Variants in TCF7L2 observed in about 807,000 individuals in gnomAD.
The protein encoded by TCF7L2 is transcription factor 7-like 2.
Under a neutral mutation model 77.9 loss-of-function variants are expected in TCF7L2, and 23 were observed. That is an observed-to-expected ratio of 0.30 (90% confidence interval 0.21 to 0.42). TCF7L2 has a LOEUF of 0.42. Among genes scored for constraint, TCF7L2 ranks in the 10% least tolerant of loss-of-function variants. The pLI is 1.00. For synonymous variants in TCF7L2, 413 were observed against 340.2 expected (o/e 1.21, Z -2.36); for missense variants, 654 against 793.1 (o/e 0.82, Z 2.11).
At chr10:113,060,398 A>C (rs2056235429) in intron 5 of TCF7L2, among the ~76,000 whole-genome samples, 1 of 152,176 alleles carries the variant, frequency 6.6e-6, no homozygotes, top group South Asian at 2.1e-4. Flanking sequence ...GTTGTTACAA[A>C]AGCAGTGACT....
intron 5 of TCF7L2, among the ~76,000 whole-genome samples, chr10:113,121,474 T>G (rs957333378): frequency 6.6e-6 from 1 of 152,226 alleles, no homozygotes; most frequent in African/African-American, 2.4e-5. Context: ...TGAAAGTTTT[T>G]TTACTGTGCT....
chr10:113,078,796 C>T (rs767213873), intron 5 of TCF7L2, among the ~76,000 whole-genome samples: 4 of 151,662 alleles, frequency 2.6e-5, no homozygotes, highest in African/African-American at 7.3e-5. Flanking sequence ...TCCTGGAAGC[C>T]GCAGGGATCA....
At chr10:113,072,924 G>A (rs2058208386) in intron 5 of TCF7L2, among the ~76,000 whole-genome samples, 1 of 152,106 alleles carries the variant, frequency 6.6e-6, no homozygotes, top group Admixed American at 6.5e-5. Context: ...TGCTGTCCAG[G>A]TAAAAATGTG....
intron 5 of TCF7L2, among the ~76,000 whole-genome samples, chr10:113,123,480 A>G (rs929028028): frequency 3.3e-5 from 5 of 152,234 alleles, no homozygotes; most frequent in Non-Finnish European, 7.3e-5. Context: ...GTCTAGATAA[A>G]CAGGTGATGG....
intron 5 of TCF7L2, among the ~76,000 whole-genome samples, chr10:113,135,290 C>G (rs550234098): frequency 9.8e-5 from 15 of 152,324 alleles, no homozygotes; most frequent in African/African-American, 1.9e-4. Context: ...GGCGCCTCCC[C>G]CTCCCCATTC....
At chr10:113,159,867 C>CCCTT (rs2072831130) in intron 12 of TCF7L2, 53 bp from the exon 14 acceptor site, 5 of 579,566 alleles carry the variant, frequency 8.6e-6, no homozygotes, top group African/African-American at 2.4e-5. Context: ...CTCTCTCTCT[C>CCCTT]CCTTTCTCCC....
chr10:113,070,839 TGTA>T (rs1308891903), intron 5 of TCF7L2, among the ~76,000 whole-genome samples: 38 of 152,184 alleles, frequency 2.5e-4, no homozygotes, highest in Admixed American at 2.5e-3. Flanking sequence ...ATTCAGTGGT[TGTA>T]GTAGATTCAG....
intron 5 of TCF7L2, among the ~76,000 whole-genome samples, chr10:113,132,718 G>A (rs1037229118): frequency 3.3e-5 from 5 of 152,156 alleles, no homozygotes; most frequent in Admixed American, 6.5e-5. Context: ...GTGAACTCGG[G>A]CACTTAACAA....
At chr10:113,047,448 C>T (rs759904909) in intron 5 of TCF7L2, among the ~76,000 whole-genome samples, 1 of 152,160 alleles carries the variant, frequency 6.6e-6, no homozygotes, top group Non-Finnish European at 1.5e-5. Flanking sequence ...CCAGGTCCTC[C>T]ACCTTCAAAA....
chr10:112,998,750 C>T (rs1382266941), intron 4 of TCF7L2, among the ~76,000 whole-genome samples: 1 of 152,146 alleles, frequency 6.6e-6, no homozygotes, highest in Admixed American at 6.5e-5. Flanking sequence ...CACTTCACTG[C>T]TACATTTCAT....
chr10:113,094,187 C>T (rs1037730648), intron 5 of TCF7L2, among the ~76,000 whole-genome samples: 2 of 152,196 alleles, frequency 1.3e-5, no homozygotes, highest in Non-Finnish European at 2.9e-5. Context: ...AAGAGACTTC[C>T]GCTAAATTTG....
intron 5 of TCF7L2, among the ~76,000 whole-genome samples, chr10:113,097,699 G>A (rs1331063857): frequency 1.3e-5 from 2 of 148,978 alleles, no homozygotes; most frequent in Non-Finnish European, 3.0e-5. Context: ...ATATATGGAG[G>A]TGAGAGGGAA....
At chr10:113,073,733 C>T (rs186528377) in intron 5 of TCF7L2, among the ~76,000 whole-genome samples, 1 of 151,880 alleles carries the variant, frequency 6.6e-6, no homozygotes, top group Non-Finnish European at 1.5e-5. Flanking sequence ...TTCTTGGCTC[C>T]GCCCTGCAGA....
intron 7 of TCF7L2, among the ~76,000 whole-genome samples, chr10:113,144,853 GTGTGTATGTATA>G (rs1180978202): frequency 1.3e-5 from 2 of 152,214 alleles, no homozygotes; most frequent in Non-Finnish European, 2.9e-5. Flanking sequence ...GTGGCAGGTT[GTGTGTATGTATA>G]TTTTTGCATG....
chr10:113,073,149 A>T (rs1217022988), intron 5 of TCF7L2, among the ~76,000 whole-genome samples: 1 of 149,140 alleles, frequency 6.7e-6, no homozygotes, highest in Non-Finnish European at 1.5e-5. Flanking sequence ...AGAGAGAGAG[A>T]GACAGAGAGA....
At chr10:113,068,156 C>T (rs917719034) in intron 5 of TCF7L2, among the ~76,000 whole-genome samples, 12 of 152,164 alleles carry the variant, frequency 7.9e-5, no homozygotes, top group African/African-American at 2.7e-4. Flanking sequence ...ATTGATCACA[C>T]GTGAAAACAC....
At chr10:113,147,010 CTGAT>C (rs1423731971) in intron 8 of TCF7L2, among the ~76,000 whole-genome samples, 2 of 152,322 alleles carry the variant, frequency 1.3e-5, no homozygotes, top group Non-Finnish European at 1.5e-5. Flanking sequence ...TTTCCTCCCT[CTGAT>C]TAATTCTGGC....
intron 5 of TCF7L2, among the ~76,000 whole-genome samples, chr10:113,077,454 C>T (rs1439663735): frequency 6.6e-6 from 1 of 152,114 alleles, no homozygotes; most frequent in African/African-American, 2.4e-5. Flanking sequence ...TCCTCACCCC[C>T]TAAAAGAAAC....
chr10:113,143,126 G>A (rs2068682441), intron 6 of TCF7L2, among the ~76,000 whole-genome samples: 1 of 152,240 alleles, frequency 6.6e-6, no homozygotes, highest in South Asian at 2.1e-4. Context: ...CTGTCAGAGT[G>A]GACTACAGGA....
Sources: gnomAD v4.1 joint callset for allele counts (sites outside exome capture counted in the v4.1 genomes callset) on GRCh38, gnomAD v4.1.1 for gene constraint, MANE v1.5 for transcripts, NCBI Gene and HGNC (gene_info 2026-07-23, HGNC 2026-07-21) for gene names.